KHDRBS2: variants seen among roughly 807,000 people sequenced by gnomAD.
KHDRBS2 encodes the protein KH domain-containing, RNA-binding, signal transduction-associated protein 2.
Under a neutral mutation model 44.3 loss-of-function variants are expected in KHDRBS2, and 26 were observed. The ratio of observed to expected loss-of-function variants is 0.59; its 90% confidence interval spans 0.43 to 0.81. The LOEUF is 0.81. Ranked by LOEUF, KHDRBS2 falls within the 40% of genes least tolerant of loss-of-function variation. The probability of loss-of-function intolerance (pLI) is 0.00; values close to 1 mark genes in which losing one functional copy is unlikely to be tolerated. For synonymous variants in KHDRBS2, 194 were observed against 151.1 expected, an observed-to-expected ratio of 1.28 and a Z score of -2.08; for missense variants, 476 against 433.1, an observed-to-expected ratio of 1.10 and a Z score of -0.88.
At chr6:61,762,756 T>C (rs1779461579) in intron 6 of KHDRBS2, among the ~76,000 whole-genome samples, 1 of 152,188 alleles carries the variant, frequency 6.6e-6, no homozygotes, top group Admixed American at 6.5e-5. Flanking sequence ...TTCACACATA[T>C]AGAAGCTCAC....
intron 6 of KHDRBS2, among the ~76,000 whole-genome samples, chr6:61,814,935 G>T (rs1788678492): frequency 6.6e-6 from 1 of 152,224 alleles, no homozygotes; most frequent in Middle Eastern, 3.4e-3. Context: ...TAAAGTATTT[G>T]TATATAACCT....
At chr6:61,817,804 A>G (rs2127246955) in intron 6 of KHDRBS2, among the ~76,000 whole-genome samples, 1 of 152,158 alleles carries the variant, frequency 6.6e-6, no homozygotes, top group South Asian at 2.1e-4. Flanking sequence ...AGCTCTTTAT[A>G]TTTTTAACAC....
chr6:62,112,464 T>A (rs1043312858), intron 2 of KHDRBS2, among the ~76,000 whole-genome samples: 1 of 152,100 alleles, frequency 6.6e-6, no homozygotes, highest in African/African-American at 2.4e-5. Context: ...CCTTTTGGCA[T>A]AAAACATTCA....
chr6:62,132,208 AG>A (rs1369962962), intron 2 of KHDRBS2, among the ~76,000 whole-genome samples: 1 of 152,192 alleles, frequency 6.6e-6, no homozygotes, highest in African/African-American at 2.4e-5. Flanking sequence ...TACATGGAAG[AG>A]TATATTTAAA....
intron 2 of KHDRBS2, among the ~76,000 whole-genome samples, chr6:62,131,263 A>G (rs1810250377): frequency 6.6e-6 from 1 of 152,178 alleles, no homozygotes. Flanking sequence ...CATCTCTTGG[A>G]GTCTTAGCTT....
At chr6:61,812,594 T>C (rs1788292477) in intron 6 of KHDRBS2, among the ~76,000 whole-genome samples, 1 of 152,102 alleles carries the variant, frequency 6.6e-6, no homozygotes, top group Non-Finnish European at 1.5e-5. Flanking sequence ...TTTATAACTT[T>C]TAATGGCTAA....
intron 6 of KHDRBS2, among the ~76,000 whole-genome samples, chr6:61,743,737 C>A (rs1409877385): frequency 6.6e-6 from 1 of 151,432 alleles, no homozygotes; most frequent in Admixed American, 6.6e-5. Flanking sequence ...CCCATTAACT[C>A]GTCATTTAGC....
chr6:62,114,233 A>G (rs1186801435), intron 2 of KHDRBS2, among the ~76,000 whole-genome samples: 2 of 152,068 alleles, frequency 1.3e-5, no homozygotes, highest in African/African-American at 2.4e-5. Context: ...ATCAATTCCT[A>G]TCCTGTGGAA....
At chr6:61,989,274 T>C (rs528280073) in intron 3 of KHDRBS2, among the ~76,000 whole-genome samples, 30 of 152,304 alleles carry the variant, frequency 2.0e-4, no homozygotes, top group Non-Finnish European at 3.8e-4. Context: ...GTAAACATCA[T>C]TGGAGATAGC....
At chr6:61,628,720 A>T in the KHDRBS2 span, among the ~76,000 whole-genome samples, 4 of 152,086 alleles carry the variant, frequency 2.6e-5, no homozygotes, top group Non-Finnish European at 4.4e-5. Flanking sequence ...TTTTTGTAGC[A>T]CTTATTGTAT....
rs1823021945 is a variant in KHDRBS2, at chr6:62,184,470, CA to C, written c.92-7159del. ...AATAAAGAAACGGGAGTTCAAAGAG[CA>C]TATATAATACATATTATAAATACAT... On this transcript the variant is annotated intron_variant, in intron 1 of 8. Coordinates refer to ENST00000281156, the MANE Select transcript of KHDRBS2 (RefSeq NM_152688.4). 3.3e-5 allele frequency among the ~76,000 whole-genome samples: 5 copies of C among 151,474 alleles called. No homozygotes were observed. The South Asian group carries it at 1.0e-3, about 32-fold the overall frequency.
chr6:62,029,691 C>T (rs534920032), intron 3 of KHDRBS2, among the ~76,000 whole-genome samples: 3 of 151,750 alleles, frequency 2.0e-5, no homozygotes, highest in African/African-American at 7.3e-5. Flanking sequence ...GAAATATAAG[C>T]TTCAAAGATA....
chr6:62,105,786 G>T (rs544415545), intron 2 of KHDRBS2, among the ~76,000 whole-genome samples: 1 of 152,034 alleles, frequency 6.6e-6, no homozygotes, highest in African/African-American at 2.4e-5. Context: ...CTTCAGTTCT[G>T]CTCTGATTTT....
At chr6:61,832,299 A>G (rs541633683) in intron 6 of KHDRBS2, among the ~76,000 whole-genome samples, 65 of 152,196 alleles carry the variant, frequency 4.3e-4, no homozygotes, top group Non-Finnish European at 8.2e-4. Flanking sequence ...CACAATAAAT[A>G]TATGTTTAAG....
At chr6:62,038,366 GT>G (rs1044441706) in intron 3 of KHDRBS2, among the ~76,000 whole-genome samples, 1 of 150,950 alleles carries the variant, frequency 6.6e-6, no homozygotes, top group Non-Finnish European at 1.5e-5. Context: ...TCCGTTTAGT[GT>G]CATTAACTAA....
chr6:61,793,492 A>T (rs1402540280), intron 6 of KHDRBS2, among the ~76,000 whole-genome samples: 1 of 152,010 alleles, frequency 6.6e-6, no homozygotes, highest in Non-Finnish European at 1.5e-5. Context: ...AACTTAGGTA[A>T]ACTAGTTACT....
intron 4 of KHDRBS2, among the ~76,000 whole-genome samples, chr6:61,956,123 G>C (rs1767217988): frequency 6.6e-6 from 1 of 152,038 alleles, no homozygotes; most frequent in African/African-American, 2.4e-5. Flanking sequence ...GAACCCGGGA[G>C]GCACAGGCTG....
intron 8 of KHDRBS2, among the ~76,000 whole-genome samples, chr6:61,686,575 ACT>A (rs1024412821): frequency 6.6e-6 from 1 of 151,170 alleles, no homozygotes; most frequent in African/African-American, 2.4e-5. Flanking sequence ...ATTTTAAAAA[ACT>A]CTATCACAAC....
At chr6:61,911,730 A>G (rs1268815866) in intron 4 of KHDRBS2, among the ~76,000 whole-genome samples, 1 of 152,020 alleles carries the variant, frequency 6.6e-6, no homozygotes, top group Non-Finnish European at 1.5e-5. Context: ...AAATGCTGTG[A>G]TTATTCCTTC....
Sources: gnomAD v4.1 joint callset for allele counts (sites outside exome capture counted in the v4.1 genomes callset) on GRCh38, gnomAD v4.1.1 for gene constraint, MANE v1.5 for transcripts, NCBI Gene and HGNC (gene_info 2026-07-23, HGNC 2026-07-21) for gene names.